Variants in KIAA1191 observed in about 807,000 individuals in gnomAD.
KIAA1191 encodes the protein putative monooxygenase p33MONOX.
KIAA1191 carries 22 observed loss-of-function variants against 31.1 expected under a neutral mutation model. That is an observed-to-expected ratio of 0.71 (90% CI 0.51 to 1.01). The LOEUF is 1.01. Ranked by LOEUF, KIAA1191 falls within the 50% of genes least tolerant of loss-of-function variation. KIAA1191 has a pLI of 0.00. For synonymous variants in KIAA1191, 130 were observed against 143.9 expected (o/e 0.90, Z 0.69); for missense variants, 319 against 388.0 (o/e 0.82, Z 1.49).
chr5:176,352,723 G>T lies in KIAA1191; in HGVS notation c.233C>A (p.Pro78His), dbSNP rs1320440739. The T allele has an allele frequency of 6.2e-6, 10 of 1,613,706 alleles. No individual in the cohort carries two copies. Among genetic ancestry groups the T allele is most frequent in the Non-Finnish European group, 8.5e-6 (10 of 1,179,864 alleles). The stretch of plus-strand genomic sequence containing the variant: ...TGATGACAGGGTCATGGCAGGGGAG[G>T]GTAGACTGGCCTCTCCTTCCTCCAC... ...AKVEEGEASLPSPAMTLSSAI... is the reference protein window; with the variant it reads ...AKVEEGEASLHSPAMTLSSAI... The change falls in exon 5 of 9, where the codon CCC becomes CAC. Residue 78 changes from proline to histidine, a missense_variant. Physicochemically the swap from Pro to His is moderately conservative, Grantham distance 77. Transcript: ENST00000298569.
intron 3 of KIAA1191, among the ~76,000 whole-genome samples, chr5:176,357,786 G>C (rs1315886604): frequency 2.0e-5 from 3 of 152,078 alleles, no homozygotes; most frequent in African/African-American, 7.2e-5. Flanking sequence ...ATCTATATTG[G>C]GGAATACGGG....
At chr5:176,351,486 G>A (rs1014399280) in intron 5 of KIAA1191, among the ~76,000 whole-genome samples, 10 of 152,138 alleles carry the variant, frequency 6.6e-5, no homozygotes, top group South Asian at 2.1e-4. Context: ...TAGGTGGTGC[G>A]TGATGGCTCA....
At chr5:176,361,783 A>G (rs532863483), upstream of KIAA1191, 1 of 152,432 alleles carries the variant, frequency 6.6e-6, no homozygotes, top group African/African-American at 2.4e-5. The surrounding 1 kb of genome is among the most constrained non-coding windows in gnomAD (Gnocchi z 4.0). Flanking sequence ...GGCAGGCAGC[A>G]CTGCAGATAA....
rs975089568 is a variant in KIAA1191 at position 176,346,374 on chromosome 5, T to G, written c.*1226A>C. 6.6e-6 allele frequency: 1 copy of G among 152,234 alleles called. No homozygotes were observed. The highest frequency in any genetic ancestry group is 6.5e-5 in the Admixed American group (1 of 15,288). The allele number at this position is 152,234 out of a possible 1,614,324, so 9.4% of individuals were successfully genotyped here. A position where few individuals can be genotyped will look rare whatever the true frequency, so the allele number is the denominator to read the frequency against. ...TGCTTTCATACAGAAAATTTTGAAT[T>G]GAGTGACCTCCCCGCACAGGCGTTC... On this transcript the variant is annotated 3_prime_UTR_variant, in exon 9 of 9. Transcript: ENST00000298569.
intron 7 of KIAA1191, 39 bp from the exon 8 acceptor site, chr5:176,348,102 T>C (rs777725844): frequency 6.2e-7 from 1 of 1,609,862 alleles, no homozygotes; most frequent in South Asian, 1.1e-5. Context: ...AAAATACCTC[T>C]TCCTTCGCCC....
At chr5:176,350,225 C>T (rs1677764777) in intron 6 of KIAA1191, among the ~76,000 whole-genome samples, 3 of 152,190 alleles carry the variant, frequency 2.0e-5, no homozygotes, top group Admixed American at 2.0e-4. Flanking sequence ...ACTAAATTAA[C>T]CCTTACCAAA....
chr5:176,352,824 G>A (rs1174631481), intron 4 of KIAA1191, 76 bp from the exon 5 acceptor site: 1 of 1,447,114 alleles, frequency 6.9e-7, no homozygotes, highest in Non-Finnish European at 9.2e-7. Flanking sequence ...CTCCTTTGGG[G>A]AGGAAGTTAC....
intron 4 of KIAA1191, 141 bp from the exon 5 acceptor site, chr5:176,352,889 T>A: frequency 2.4e-6 from 2 of 831,650 alleles, no homozygotes; most frequent in Non-Finnish European, 3.6e-6. Flanking sequence ...GAGTTGGTCA[T>A]CTCCACCCAG....
At chr5:176,351,206 T>G (rs1001642053) in intron 5 of KIAA1191, among the ~76,000 whole-genome samples, 1 of 151,406 alleles carries the variant, frequency 6.6e-6, no homozygotes, top group African/African-American at 2.4e-5. Flanking sequence ...CTGGGTGTGG[T>G]GGCAGGCGCC....
chr5:176,359,542 AGAATTCCGAGCT>A lies in KIAA1191; in HGVS notation c.-46_-35del. On this transcript the variant is annotated 5_prime_UTR_variant, in exon 3 of 9. Coordinates refer to ENST00000298569, the MANE Select transcript of KIAA1191 (RefSeq NM_020444.5). ...TGGGATCCAGGTGCTTTTTCTATAC[AGAATTCCGAGCT>A]GAGTCCCTGCCACCTAATAAAATAA... 1 of 1,582,714 alleles carries A rather than the reference AGAATTCCGAGCT, an allele frequency of 6.3e-7. No individual in the cohort carries two copies. Among genetic ancestry groups the A allele is most frequent in the Non-Finnish European group, 8.7e-7 (1 of 1,151,574 alleles).
chr5:176,359,026 G>A (rs1767745112), intron 3 of KIAA1191, among the ~76,000 whole-genome samples: 1 of 145,730 alleles, frequency 6.9e-6, no homozygotes, highest in Non-Finnish European at 1.5e-5. Flanking sequence ...GGAGCTTGCA[G>A]TGAGCTGAGA....
chr5:176,352,276 C>A (rs1767101793), intron 5 of KIAA1191, among the ~76,000 whole-genome samples: 1 of 152,136 alleles, frequency 6.6e-6, no homozygotes. Flanking sequence ...GAGCACTGGG[C>A]CTTCTGATCC....
At chr5:176,359,196 G>T (rs192152331) in intron 3 of KIAA1191, among the ~76,000 whole-genome samples, 16 of 151,694 alleles carry the variant, frequency 1.1e-4, no homozygotes, top group Non-Finnish European at 1.8e-4. Flanking sequence ...GCGGGCACCT[G>T]TAATCCCAGC....
At chr5:176,354,602 G>A (rs898286129) in intron 4 of KIAA1191, 1 of 152,520 alleles carries the variant, frequency 6.6e-6, no homozygotes, top group African/African-American at 2.4e-5. Context: ...AGTTCTTACA[G>A]AGGATGGCCA....
At chr5:176,354,844 C>G (rs1180582037) in intron 4 of KIAA1191, among the ~76,000 whole-genome samples, 1 of 151,962 alleles carries the variant, frequency 6.6e-6, no homozygotes, top group Non-Finnish European at 1.5e-5. Context: ...ACCATGGTAC[C>G]GTGGGGAGCT....
chr5:176,355,798 A>G lies in KIAA1191; in HGVS notation c.29-49T>C. On this transcript the variant is annotated intron_variant, in intron 3 of 8. Transcript: ENST00000298569. The surrounding 1 kb of genome is among the most constrained non-coding windows in gnomAD (Gnocchi z 4.2). Reference sequence around the variant, plus strand: ...GACAGGTTCAGCAACTGGACATACTAGCAGCTTTAAATTAATCTACAGGAA... The same window carrying G: ...GACAGGTTCAGCAACTGGACATACTGGCAGCTTTAAATTAATCTACAGGAA... 1 of 1,551,164 alleles carries G rather than the reference A, an allele frequency of 6.4e-7. No individual in the cohort carries two copies. The highest frequency in any genetic ancestry group is 8.9e-7 in the Non-Finnish European group (1 of 1,123,380).
At position 176,347,699 on chromosome 5, in the gene KIAA1191, G is replaced by A. The variant is rs1334727967; in HGVS notation, c.819C>T (p.Pro273=). 42 of 1,603,278 alleles carry A rather than the reference G, an allele frequency of 2.6e-5. No individual in the cohort carries two copies. Among genetic ancestry groups the A allele is most frequent in the Non-Finnish European group, 3.6e-5 (42 of 1,175,892 alleles). Residue 273 remains proline, a synonymous_variant, in exon 9 of 9, where the codon CCC becomes CCT. Transcript: ENST00000298569. ...MAEDPAALKP[P]KMDIPVMEGK... is the part of the protein sequence containing the mutation. Reference sequence around the variant, plus strand: ...CTTCCATCACTGGGATGTCCATCTTGGGGGGCTTCAAGGCTGCTGGATCTT... The same window carrying A: ...CTTCCATCACTGGGATGTCCATCTTAGGGGGCTTCAAGGCTGCTGGATCTT...
rs760042772 is a variant in KIAA1191 at position 176,361,728 on chromosome 5, T to C, written c.-294A>G. The C allele has an allele frequency of 6.6e-6, 1 of 152,178 alleles. No homozygotes were observed. The highest frequency in any genetic ancestry group is 1.5e-5 in the Non-Finnish European group (1 of 68,114). 9.4% of individuals were successfully genotyped at this position (152,178 alleles called of 1,614,324 possible). ...CAAGCCATTGTGAGAGCGGCGGCGA[T>C]TTCGAAGGTCCCCAAGACCCACTAG... On this transcript the variant is annotated 5_prime_UTR_variant, in exon 1 of 9. Coordinates refer to ENST00000298569, the MANE Select transcript of KIAA1191 (RefSeq NM_020444.5). The surrounding 1 kb of genome is among the most constrained non-coding windows in gnomAD (Gnocchi z 4.0).
chr5:176,357,504 TATCTA>T (rs1767615110), intron 3 of KIAA1191, among the ~76,000 whole-genome samples: 1 of 152,232 alleles, frequency 6.6e-6, no homozygotes. Context: ...TCCCTCATCT[TATCTA>T]ATCCTCATGA....
Sources: allele counts gnomAD v4.1 joint callset (sites outside exome capture counted in the v4.1 genomes callset), GRCh38; gene constraint gnomAD v4.1.1; non-coding constraint Gnocchi (gnomAD v3.1); transcripts MANE v1.5; gene names NCBI Gene and HGNC (gene_info 2026-07-23, HGNC 2026-07-21).